Variants in GRID1 observed in about 807,000 individuals in gnomAD.
The protein encoded by GRID1 is glutamate receptor ionotropic, delta-1.
In GRID1, 28 loss-of-function variants were observed where a neutral mutation model predicts 98.0. The observed-to-expected ratio is 0.29, with a 90% CI of 0.21 to 0.39. The LOEUF (loss-of-function observed/expected upper bound fraction) is 0.39. Among genes scored for constraint, GRID1 ranks in the 10% least tolerant of loss-of-function variants. The probability of loss-of-function intolerance (pLI) is 1.00; values close to 1 mark genes in which losing one functional copy is unlikely to be tolerated. For synonymous variants in GRID1, 553 were observed against 538.5 expected (o/e 1.03, Z -0.37); for missense variants, 1,111 against 1,340.5 (o/e 0.83, Z 2.67).
intron 13 of GRID1, among the ~76,000 whole-genome samples, chr10:85,641,100 G>C (rs1011311649): frequency 6.6e-6 from 1 of 152,160 alleles, no homozygotes; most frequent in African/African-American, 2.4e-5. Flanking sequence ...TTAAATATTA[G>C]GTCTGATTTA....
At chr10:85,718,530 A>G (rs896223819) in intron 12 of GRID1, among the ~76,000 whole-genome samples, 13 of 152,372 alleles carry the variant, frequency 8.5e-5, no homozygotes, top group East Asian at 1.9e-4. Flanking sequence ...CTGAACCTCA[A>G]TTCTTCACTT....
At chr10:85,797,503 C>T (rs1438205841) in intron 8 of GRID1, among the ~76,000 whole-genome samples, 2 of 152,082 alleles carry the variant, frequency 1.3e-5, no homozygotes, top group East Asian at 3.9e-4. Context: ...AATCTCAGCT[C>T]ACTGCAACCT....
intron 8 of GRID1, among the ~76,000 whole-genome samples, chr10:85,774,373 T>A: frequency 6.6e-6 from 1 of 152,116 alleles, no homozygotes; most frequent in Non-Finnish European, 1.5e-5. Context: ...ATAAAAACCC[T>A]AGAAGAAAAC....
intron 4 of GRID1, among the ~76,000 whole-genome samples, chr10:86,124,614 T>C (rs77061493): frequency 0.014 from 2,098 of 152,342 alleles, 26 homozygotes; most frequent in African/African-American, 0.032. Flanking sequence ...ACATGACTTT[T>C]GGTTTACTCA....
chr10:85,791,565 C>T (rs1002177281), intron 8 of GRID1, among the ~76,000 whole-genome samples: 17 of 151,870 alleles, frequency 1.1e-4, no homozygotes, highest in African/African-American at 3.9e-4. Flanking sequence ...TGAATGATAA[C>T]CAGAAAGAAA....
chr10:85,737,350 G>C (rs1460406133), intron 8 of GRID1, among the ~76,000 whole-genome samples: 1 of 152,056 alleles, frequency 6.6e-6, no homozygotes, highest in Non-Finnish European at 1.5e-5. Context: ...ATACTTCCCA[G>C]TGGTGCTGGA....
chr10:86,184,522 CTATT>C (rs1343881545), intron 3 of GRID1, among the ~76,000 whole-genome samples: 1 of 129,414 alleles, frequency 7.7e-6, no homozygotes, highest in Non-Finnish European at 1.6e-5. Context: ...GTTTAAAAGA[CTATT>C]TATTCTTTCT....
intron 8 of GRID1, among the ~76,000 whole-genome samples, chr10:85,839,643 G>C (rs1048528847): frequency 6.6e-6 from 1 of 152,116 alleles, no homozygotes; most frequent in Non-Finnish European, 1.5e-5. Context: ...GAAATTTATA[G>C]CACTAAATGC....
chr10:86,329,982 G>C (rs979063562), intron 2 of GRID1, among the ~76,000 whole-genome samples: 2 of 152,098 alleles, frequency 1.3e-5, no homozygotes, highest in Admixed American at 6.5e-5. Flanking sequence ...TGATCTCGAG[G>C]ATGGGCTCCC....
chr10:86,029,139 T>C (rs980181387), intron 4 of GRID1, among the ~76,000 whole-genome samples: 9 of 152,214 alleles, frequency 5.9e-5, no homozygotes, highest in African/African-American at 2.2e-4. Flanking sequence ...TAATTGGATT[T>C]CTCAAATTTA....
chr10:85,813,462 GAA>G (rs34014297), intron 8 of GRID1, among the ~76,000 whole-genome samples: 6 of 134,192 alleles, frequency 4.5e-5, no homozygotes, highest in Admixed American at 7.5e-5. Context: ...GTGAAACGCT[GAA>G]AAAAAAAAAA....
At chr10:85,783,134 G>T (rs892173653) in intron 8 of GRID1, among the ~76,000 whole-genome samples, 2 of 152,114 alleles carry the variant, frequency 1.3e-5, no homozygotes, top group African/African-American at 4.8e-5. Context: ...TCAATCTGAG[G>T]GATTAAAACT....
intron 9 of GRID1, among the ~76,000 whole-genome samples, chr10:85,729,175 C>G (rs562293682): frequency 6.6e-6 from 1 of 152,214 alleles, no homozygotes; most frequent in Admixed American, 6.5e-5. Flanking sequence ...CAGAACAACT[C>G]TCCTAAGGAC....
intron 5 of GRID1, among the ~76,000 whole-genome samples, chr10:85,901,008 G>T (rs886663740): frequency 2.0e-4 from 30 of 152,242 alleles, no homozygotes; most frequent in Admixed American, 5.9e-4. Context: ...TGTCTTAAAG[G>T]ATGCATGAGA....
At chr10:86,179,289 A>C (rs989967938) in intron 3 of GRID1, among the ~76,000 whole-genome samples, 1 of 149,650 alleles carries the variant, frequency 6.7e-6, no homozygotes, top group Admixed American at 6.6e-5. Context: ...CCAGCCCCGG[A>C]CTGCAGCCCT....
At chr10:85,866,913 A>G (rs1178242181) in intron 6 of GRID1, among the ~76,000 whole-genome samples, 1 of 152,130 alleles carries the variant, frequency 6.6e-6, no homozygotes, top group East Asian at 1.9e-4. Context: ...CCTGGGTCTC[A>G]GCAGGAACAG....
chr10:86,011,461 A>T (rs1842922865), intron 4 of GRID1, among the ~76,000 whole-genome samples: 1 of 152,226 alleles, frequency 6.6e-6, no homozygotes, highest in African/African-American at 2.4e-5. Flanking sequence ...ACTCCCAAAG[A>T]ATATTATGAA....
rs1554860994 is a variant in GRID1, at chr10:85,634,291, T to TCA, written c.2193+12909_2193+12910dup. On this transcript the variant is annotated intron_variant, in intron 13 of 15. Coordinates refer to ENST00000327946, the MANE Select transcript of GRID1 (RefSeq NM_017551.3). The stretch of plus-strand genomic sequence containing the variant: ...CTCTCTCTCTCTCTCTCTCTCTCTC[T>TCA]CACACACACACACACACACACACAG... 7.2e-3 allele frequency among the ~76,000 whole-genome samples: 744 copies of TCA among 102,842 alleles called. 7 individuals carry two copies. The highest frequency in any genetic ancestry group is 0.021 in the South Asian group (70 of 3,324). The allele number at this position is 102,842 out of a possible 152,430, so 67.5% of individuals were successfully genotyped here.
intron 2 of GRID1, among the ~76,000 whole-genome samples, chr10:86,244,776 G>A (rs1184555109): frequency 6.6e-6 from 1 of 152,238 alleles, no homozygotes; most frequent in Non-Finnish European, 1.5e-5. Flanking sequence ...ATTTCTGAGA[G>A]CCTAAGCTGA....
Sources: allele counts gnomAD v4.1 joint callset (sites outside exome capture counted in the v4.1 genomes callset), GRCh38; gene constraint gnomAD v4.1.1; transcripts MANE v1.5; gene names NCBI Gene and HGNC (gene_info 2026-07-23, HGNC 2026-07-21).